MGAT5: variants seen among roughly 807,000 people sequenced by gnomAD.
MGAT5 encodes alpha-1,6-mannosylglycoprotein 6-beta-N-acetylglucosaminyltransferase, also known as alpha-1,6-mannosylglycoprotein 6-beta-N-acetylglucosaminyltransferase A.
In MGAT5, 30 loss-of-function variants were observed where a neutral mutation model predicts 94.3. The ratio of observed to expected loss-of-function variants is 0.32; its 90% CI spans 0.24 to 0.43. The LOEUF (loss-of-function observed/expected upper bound fraction) is 0.43. Ranked by LOEUF, MGAT5 falls within the 20% of genes least tolerant of loss-of-function variation. The pLI, the probability that MGAT5 is intolerant of heterozygous loss-of-function variation, is 1.00. For synonymous variants in MGAT5, 310 were observed against 322.9 expected, an observed-to-expected ratio of 0.96 and a Z score of 0.43; for missense variants, 691 against 905.5, an observed-to-expected ratio of 0.76 and a Z score of 3.04.
chr2:134,318,668 C>A lies in MGAT5; in HGVS notation c.502C>A (p.Arg168Ser), dbSNP rs1687145117. The change falls in exon 4 of 16, where the codon CGT becomes AGT. Residue 168 changes from arginine (R) to serine (S), a missense_variant. Coordinates refer to ENST00000281923, the MANE Select transcript of MGAT5 (RefSeq NM_002410.5). Reference protein sequence around the residue: ...GKIKWMKDMWRSDPCYADYGV... With the variant: ...GKIKWMKDMWSSDPCYADYGV... The stretch of plus-strand genomic sequence containing the variant: ...GTTTCAGTGGATGAAAGACATGTGG[C>A]GTTCAGATCCCTGCTACGCAGACTA... The A allele has an allele frequency of 6.2e-7, 1 of 1,613,072 alleles. No individual in the cohort carries two copies. The highest frequency in any genetic ancestry group is 1.3e-5 in the African/African-American group (1 of 74,888).
At position 134,452,323 on chromosome 2, in the gene MGAT5, T is replaced by G. The variant is rs985362678; in HGVS notation, c.*3476T>G. On this transcript the variant is annotated 3_prime_UTR_variant, in exon 16 of 16. Transcript: ENST00000281923. ...TGTTCCCTGCCACCCACGCACTTGC[T>G]GAGGTGTGGCTGAGGCAGAATCATG... 1 of 152,210 alleles carries G rather than the reference T, an allele frequency of 6.6e-6. No homozygotes were observed. 9.4% of individuals were successfully genotyped at this position (152,210 alleles called of 1,614,324 possible).
rs79394304 is a variant in MGAT5, at chr2:134,224,810, G to C, written c.-142-29452G>C. Among the ~76,000 whole-genome samples the C allele has an allele frequency of 4.7e-3, 712 of 152,274 alleles. 21 individuals carry two copies. In the East Asian group the frequency reaches 0.1, roughly 22 times the overall value. ...ATTTCCAATCTAGGCCAGGCATGGAGGCTCATACCTGTTATCCCAGCACTT... is the reference window on the plus strand; with the variant it reads ...ATTTCCAATCTAGGCCAGGCATGGACGCTCATACCTGTTATCCCAGCACTT... On this transcript the variant is annotated intron_variant, in intron 1 of 16. Transcript: ENST00000409645.
At chr2:134,147,322 G>A (rs940583330) in intron 1 of MGAT5, among the ~76,000 whole-genome samples, 59 of 152,242 alleles carry the variant, frequency 3.9e-4, no homozygotes, top group African/African-American at 1.2e-3. Flanking sequence ...ACATGTTCAC[G>A]GTCTATGCAG....
chr2:134,390,109 A>G (rs993351341), intron 10 of MGAT5, among the ~76,000 whole-genome samples: 4 of 152,206 alleles, frequency 2.6e-5, no homozygotes, highest in Non-Finnish European at 4.4e-5. Flanking sequence ...TGACCTCTCA[A>G]TATATGGATA....
At chr2:134,246,568 A>G (rs879139450) in intron 1 of MGAT5, among the ~76,000 whole-genome samples, 5 of 152,228 alleles carry the variant, frequency 3.3e-5, no homozygotes, top group Admixed American at 3.3e-4. Flanking sequence ...GTAAATGTGT[A>G]TTTTTCTCCC....
chr2:134,216,727 G>C (rs1389445556), intron 1 of MGAT5, among the ~76,000 whole-genome samples: 3 of 152,214 alleles, frequency 2.0e-5, no homozygotes, highest in Non-Finnish European at 4.4e-5. Context: ...TTTTTATGCT[G>C]CTACTTTTGC....
At chr2:134,198,760 C>T (rs983940036) in intron 1 of MGAT5, among the ~76,000 whole-genome samples, 8 of 152,144 alleles carry the variant, frequency 5.3e-5, no homozygotes, top group Admixed American at 1.3e-4. Flanking sequence ...ATCATGGGCC[C>T]ACTTTGGGAA....
chr2:134,275,566 A>C, intron 2 of MGAT5, among the ~76,000 whole-genome samples: 1 of 139,012 alleles, frequency 7.2e-6, no homozygotes, highest in Non-Finnish European at 1.5e-5. Flanking sequence ...ACAAATGAAG[A>C]GGTGCTATTT....
rs909260334 is a variant in MGAT5, at chr2:134,181,108, T to A, written c.-143+60817T>A. Among the ~76,000 whole-genome samples, 31 of 152,320 alleles carry A rather than the reference T, an allele frequency of 2.0e-4. No individual in the cohort carries two copies. The South Asian group carries it at 3.3e-3, about 16-fold the overall frequency. ...CCCAGAAGTAAGCAATGTACCTGAT[T>A]TCTTGTGTACTCTTCCAAAGATGTT... On this transcript the variant is annotated intron_variant, in intron 1 of 16. Coordinates refer to the MGAT5 transcript ENST00000409645.
chr2:134,407,150 C>T (rs1256506049), intron 11 of MGAT5, among the ~76,000 whole-genome samples: 2 of 152,216 alleles, frequency 1.3e-5, no homozygotes, highest in Non-Finnish European at 2.9e-5. Flanking sequence ...AGGGACACTA[C>T]CCTTCTGATA....
intron 1 of MGAT5, among the ~76,000 whole-genome samples, chr2:134,220,643 C>CGTATGT (rs1335825602): frequency 2.6e-5 from 4 of 152,212 alleles, no homozygotes; most frequent in Admixed American, 6.5e-5. Context: ...GTCCTTAGTG[C>CGTATGT]GTATGTGTAT....
At chr2:134,190,129 A>C (rs917942137) in intron 1 of MGAT5, among the ~76,000 whole-genome samples, 1 of 152,082 alleles carries the variant, frequency 6.6e-6, no homozygotes, top group East Asian at 1.9e-4. Flanking sequence ...GAATAAATGC[A>C]CCCCAACTTT....
upstream of MGAT5, among the ~76,000 whole-genome samples, chr2:134,251,247 C>A (rs901966563): frequency 6.6e-6 from 1 of 151,328 alleles, no homozygotes; most frequent in Non-Finnish European, 1.5e-5. Context: ...GCACCTAGTT[C>A]GTAATGTGGC....
At position 134,317,566 on chromosome 2, in the gene MGAT5, T is replaced by C; in HGVS notation, c.444T>C (p.Pro148=). ...INGAQEKCVL[P]PMDGYPHCEG... is the part of the protein sequence containing the mutation. ...GAGCTCAAGAAAAATGTGTATTGCC[T>C]CCTATGGACGGCTACCCTCACTGTG... The change falls in exon 3 of 16, where the codon CCT becomes CCC. Residue 148 remains proline (P), a synonymous_variant. Transcript: ENST00000281923. 6.4e-7 allele frequency: 1 copy of C among 1,570,592 alleles called. No individual in the cohort carries two copies. Among genetic ancestry groups the C allele is most frequent in the Non-Finnish European group, 8.6e-7 (1 of 1,160,098 alleles).
At chr2:134,172,090 T>C (rs1176572754) in intron 1 of MGAT5, among the ~76,000 whole-genome samples, 3 of 152,178 alleles carry the variant, frequency 2.0e-5, no homozygotes, top group Non-Finnish European at 4.4e-5. Context: ...GAAGGCTATT[T>C]TTTACTTCAT....
intron 10 of MGAT5, among the ~76,000 whole-genome samples, chr2:134,368,085 CCTCTT>C (rs1680549616): frequency 6.6e-6 from 1 of 152,192 alleles, no homozygotes; most frequent in South Asian, 2.1e-4. Context: ...TCTGACCTCT[CCTCTT>C]GGAGACTTGC....
At chr2:134,412,557 GT>G (rs1683730888) in intron 11 of MGAT5, among the ~76,000 whole-genome samples, 1 of 151,950 alleles carries the variant, frequency 6.6e-6, no homozygotes, top group East Asian at 1.9e-4. Context: ...GGTGGTGGTG[GT>G]TGTTTTTCTT....
chr2:134,248,444 A>G (rs1682405711), intron 1 of MGAT5, among the ~76,000 whole-genome samples: 2 of 152,114 alleles, frequency 1.3e-5, no homozygotes, highest in Admixed American at 6.5e-5. Context: ...CAGTCTAGGG[A>G]GCCCCTGGAG....
chr2:134,428,571 G>A, intron 14 of MGAT5, 132 bp downstream of exon 14: 2 of 735,366 alleles, frequency 2.7e-6, no homozygotes, highest in Non-Finnish European at 4.6e-6. Flanking sequence ...TCTAGAAGCT[G>A]GATAATAGTA....
Sources: gnomAD v4.1 joint callset for allele counts (sites outside exome capture counted in the v4.1 genomes callset) on GRCh38, gnomAD v4.1.1 for gene constraint, MANE v1.5 for transcripts, NCBI Gene and HGNC (gene_info 2026-07-23, HGNC 2026-07-21) for gene names.